Variants in DCLK2 observed in about 807,000 individuals in gnomAD.
The protein encoded by DCLK2 is doublecortin like kinase 2.
A neutral mutation model predicts 78.4 loss-of-function variants in DCLK2; 31 were observed. That is an observed-to-expected ratio of 0.40 (90% confidence interval 0.30 to 0.53). DCLK2 has a LOEUF of 0.53. DCLK2 is among the 20% of genes least tolerant of loss of function. The pLI, the probability that DCLK2 is intolerant of heterozygous loss-of-function variation, is 0.61. For synonymous variants in DCLK2, 407 were observed against 374.9 expected (o/e 1.09, Z -0.99); for missense variants, 872 against 973.7 (o/e 0.90, Z 1.39).
intron 10 of DCLK2, among the ~76,000 whole-genome samples, chr4:150,234,263 C>T (rs913892469): frequency 4.6e-5 from 7 of 152,190 alleles, no homozygotes; most frequent in Admixed American, 2.0e-4. Flanking sequence ...CAGTCACAGC[C>T]ACCTCGGGTT....
chr4:150,201,138 T>C (rs1208162409), intron 4 of DCLK2, among the ~76,000 whole-genome samples: 1 of 152,170 alleles, frequency 6.6e-6, no homozygotes, highest in Non-Finnish European at 1.5e-5. Flanking sequence ...GATTTTAGCT[T>C]GTGAATCTTT....
chr4:150,234,980 C>T (rs1010105527), intron 10 of DCLK2, among the ~76,000 whole-genome samples: 15 of 152,222 alleles, frequency 9.9e-5, no homozygotes, highest in African/African-American at 3.6e-4. Context: ...CCAGGTGTGA[C>T]CAGACACAAA....
At chr4:150,157,614 G>A (rs1735405094) in intron 2 of DCLK2, among the ~76,000 whole-genome samples, 1 of 151,690 alleles carries the variant, frequency 6.6e-6, no homozygotes, top group Non-Finnish European at 1.5e-5. Flanking sequence ...CCGGGTTCAG[G>A]TGATTCTCAT....
At chr4:150,144,931 A>T (rs1734358393) in intron 2 of DCLK2, among the ~76,000 whole-genome samples, 1 of 152,148 alleles carries the variant, frequency 6.6e-6, no homozygotes. Flanking sequence ...ATTTGATAGA[A>T]ATTACATTGA....
intron 2 of DCLK2, among the ~76,000 whole-genome samples, chr4:150,109,091 T>C (rs1326220172): frequency 1.3e-5 from 2 of 152,184 alleles, no homozygotes; most frequent in African/African-American, 4.8e-5. Context: ...ATAAATAATA[T>C]TTATTTTGTA....
rs575308014 is a variant in DCLK2 at position 150,124,949 on chromosome 4, C to T, written c.756+22137C>T. On this transcript the variant is annotated intron_variant, in intron 2 of 15. Transcript: ENST00000296550. ...TGCATGCATTGGAGTCCAGAAAATA[C>T]AAATTAAAATTTGATTTAAATATAT... is the stretch of plus-strand genomic sequence containing the variant. Among the ~76,000 whole-genome samples, 64 of 152,256 alleles carry T rather than the reference C, an allele frequency of 4.2e-4. 1 individual carries two copies. Among genetic ancestry groups the T allele is most frequent in the Admixed American group, 2.2e-3 (34 of 15,290 alleles).
At position 150,240,486 on chromosome 4, in the gene DCLK2, C is replaced by A. The variant is rs751123253; in HGVS notation, c.1778+10C>A. 1.1e-5 allele frequency: 18 copies of A among 1,598,194 alleles called. No individual in the cohort carries two copies. The highest frequency in any genetic ancestry group is 3.4e-5 in the Admixed American group (2 of 59,478). On this transcript the variant is annotated intron_variant, in intron 12 of 15. Coordinates refer to ENST00000296550, the MANE Select transcript of DCLK2 (RefSeq NM_001040260.4). Reference sequence around the variant, plus strand: ...TCCCACCATTCCGAAGGTAGGCGGCCTTTTGGGCGACGTATTTGAATTGCA... The same window carrying A: ...TCCCACCATTCCGAAGGTAGGCGGCATTTTGGGCGACGTATTTGAATTGCA...
At chr4:150,085,847 T>G (rs1729598734) in intron 1 of DCLK2, among the ~76,000 whole-genome samples, 1 of 152,206 alleles carries the variant, frequency 6.6e-6, no homozygotes, top group South Asian at 2.1e-4. Flanking sequence ...GTCACTCTGT[T>G]TTTTGTATTT....
chr4:150,165,636 AC>A (rs558242131), intron 2 of DCLK2, among the ~76,000 whole-genome samples: 1 of 152,216 alleles, frequency 6.6e-6, no homozygotes, highest in Non-Finnish European at 1.5e-5. Context: ...GTAAGCAGAA[AC>A]CTTAAACCTT....
At chr4:150,176,178 A>G (rs1737074828) in intron 2 of DCLK2, among the ~76,000 whole-genome samples, 1 of 152,054 alleles carries the variant, frequency 6.6e-6, no homozygotes, top group Admixed American at 6.6e-5. Flanking sequence ...AGCCATCTCC[A>G]TGCCTATCCT....
At chr4:150,218,087 GC>G (rs1364112932) in intron 5 of DCLK2, among the ~76,000 whole-genome samples, 9 of 87,190 alleles carry the variant, frequency 1.0e-4, no homozygotes, top group Admixed American at 6.3e-4. Flanking sequence ...CTCCTCCCCC[GC>G]CCCCCCTCCC....
chr4:150,210,110 A>G (rs1489980355), intron 5 of DCLK2, among the ~76,000 whole-genome samples: 2 of 152,170 alleles, frequency 1.3e-5, no homozygotes, highest in Non-Finnish European at 2.9e-5. Context: ...ATGAAGTCCA[A>G]GTGCCTGGGT....
intron 2 of DCLK2, among the ~76,000 whole-genome samples, chr4:150,167,554 A>C (rs1736189578): frequency 6.6e-6 from 1 of 152,208 alleles, no homozygotes; most frequent in Non-Finnish European, 1.5e-5. Flanking sequence ...ATGCAGTCCT[A>C]CCATTAGATT....
In DCLK2 at chr4:150,097,483, G is replaced by C. The variant is rs528285081; in HGVS notation, c.422-4995G>C. Among the ~76,000 whole-genome samples, 77 of 152,246 alleles carry C rather than the reference G, an allele frequency of 5.1e-4. No individual in the cohort carries two copies. The South Asian group carries it at 0.015, about 29-fold the overall frequency. The stretch of plus-strand genomic sequence containing the variant: ...TGGCTGGAATTACCTAGCTTTTAAT[G>C]ACCTCTTTCTTCTTGAATAAGAGGC... On this transcript the variant is annotated intron_variant, in intron 1 of 15. Coordinates refer to ENST00000296550, the MANE Select transcript of DCLK2 (RefSeq NM_001040260.4).
chr4:150,158,982 A>AG (rs1391385078), intron 2 of DCLK2, among the ~76,000 whole-genome samples: 3 of 152,172 alleles, frequency 2.0e-5, no homozygotes, highest in Non-Finnish European at 4.4e-5. Flanking sequence ...TAGAAACCTT[A>AG]GGGAGTATGT....
rs368066010 is a variant in DCLK2 at position 150,249,597 on chromosome 4, A to C, written c.1986A>C (p.Gln662His). 6.2e-7 allele frequency: 1 copy of C among 1,613,806 alleles called. No homozygotes were observed. The highest frequency in any genetic ancestry group is 1.1e-5 in the South Asian group (1 of 91,074). The change falls in exon 15 of 16, where the codon CAA becomes CAC. Residue 662 changes from glutamine (Q) to histidine (H), a missense_variant. Transcript: ENST00000296550. ...SDDASQENNM[Q>H]AEVTGKLKQH... ...ATGCCTCCCAGGAGAATAACATGCA[A>C]GCTGAGGTGACAGGTAAACTAAAAC...
chr4:150,081,986 A>C (rs1580462406), intron 1 of DCLK2, among the ~76,000 whole-genome samples: 1 of 149,262 alleles, frequency 6.7e-6, no homozygotes, highest in African/African-American at 2.5e-5. Flanking sequence ...CGATGGAGCA[A>C]GACTCTGTCT....
chr4:150,090,132 A>G (rs1180134894), intron 1 of DCLK2, among the ~76,000 whole-genome samples: 2 of 138,218 alleles, frequency 1.4e-5, no homozygotes, highest in African/African-American at 5.2e-5. Context: ...TGGGCTGGGC[A>G]CGGTGGCTCA....
chr4:150,197,906 C>A, intron 3 of DCLK2, 96 bp from the exon 4 acceptor site: 1 of 844,026 alleles, frequency 1.2e-6, no homozygotes, highest in South Asian at 2.0e-5. Flanking sequence ...ACCTAATTAT[C>A]AGGTAATAGT....
Sources: allele counts gnomAD v4.1 joint callset (sites outside exome capture counted in the v4.1 genomes callset), GRCh38; gene constraint gnomAD v4.1.1; transcripts MANE v1.5; gene names NCBI Gene and HGNC (gene_info 2026-07-23, HGNC 2026-07-21).